Variants in SERPINE2 observed in about 807,000 individuals in gnomAD.
The protein encoded by SERPINE2 is glia-derived nexin.
Under a neutral mutation model 36.3 loss-of-function variants are expected in SERPINE2, and 14 were observed. That is an observed-to-expected ratio of 0.39 (90% CI 0.25 to 0.60). SERPINE2 has a LOEUF of 0.60. Ranked by LOEUF, SERPINE2 falls within the 20% of genes least tolerant of loss-of-function variation. The probability of loss-of-function intolerance (pLI) is 0.57; values close to 1 mark genes in which losing one functional copy is unlikely to be tolerated. For missense variants in SERPINE2, 418 were observed against 499.6 expected (o/e 0.84, Z 1.56); for synonymous variants, 192 against 191.8 (o/e 1.00, Z -0.01).
intron 1 of SERPINE2, among the ~76,000 whole-genome samples, chr2:224,005,346 G>A (rs1461137672): frequency 6.6e-6 from 1 of 151,946 alleles, no homozygotes; most frequent in Non-Finnish European, 1.5e-5. Context: ...TCATAAAAGT[G>A]CACTGGGACA....
At chr2:223,992,892 A>G (rs1342404612) in intron 3 of SERPINE2, among the ~76,000 whole-genome samples, 2 of 152,176 alleles carry the variant, frequency 1.3e-5, no homozygotes, top group African/African-American at 4.8e-5. Context: ...AGGAAGGATC[A>G]CTTGAGGCTA....
intron 1 of SERPINE2, among the ~76,000 whole-genome samples, chr2:224,023,251 A>G (rs780076186): frequency 6.6e-6 from 1 of 152,186 alleles, no homozygotes; most frequent in Non-Finnish European, 1.5e-5. Context: ...ATTGTTAGTC[A>G]GTCTCTCTGA....
chr2:223,992,140 C>T, intron 3 of SERPINE2, 140 bp from the exon 4 acceptor site: 1 of 686,586 alleles, frequency 1.5e-6, no homozygotes, highest in Admixed American at 2.8e-5. Context: ...CTTAAACTAC[C>T]CTTTTGTACT....
At chr2:223,994,989 A>G (rs1010876629) in intron 3 of SERPINE2, among the ~76,000 whole-genome samples, 56 of 152,204 alleles carry the variant, frequency 3.7e-4, no homozygotes, top group African/African-American at 1.3e-3. Flanking sequence ...TGTGCTTTTA[A>G]TGTTCATGCC....
intron 1 of SERPINE2, among the ~76,000 whole-genome samples, chr2:224,017,433 A>G (rs1485596958): frequency 6.6e-6 from 1 of 152,214 alleles, no homozygotes; most frequent in Non-Finnish European, 1.5e-5. Flanking sequence ...TCACACAAAA[A>G]TGTAATATTT....
chr2:224,035,191 G>A (rs534583982), intron 1 of SERPINE2, among the ~76,000 whole-genome samples: 3 of 152,198 alleles, frequency 2.0e-5, no homozygotes, highest in Admixed American at 6.5e-5. Flanking sequence ...CCAGGCTGTC[G>A]ATGATCGTCT....
intron 1 of SERPINE2, chr2:224,030,214 G>A (rs1192699567): frequency 3.0e-6 from 3 of 985,316 alleles, no homozygotes; most frequent in Non-Finnish European, 3.6e-6. Flanking sequence ...AAGCCTGCGG[G>A]CAGGACAGAT....
intron 1 of SERPINE2, among the ~76,000 whole-genome samples, chr2:224,021,731 G>A (rs958366066): frequency 2.0e-5 from 3 of 152,166 alleles, no homozygotes; most frequent in African/African-American, 7.2e-5. Flanking sequence ...AAAAGTATCT[G>A]AATTTAAAGT....
intron 1 of SERPINE2, among the ~76,000 whole-genome samples, chr2:224,021,911 G>A (rs970371210): frequency 6.6e-6 from 1 of 152,208 alleles, no homozygotes; most frequent in East Asian, 1.9e-4. Context: ...TGTAATCCCA[G>A]CACTTTGGGA....
In SERPINE2 at chr2:223,998,104, C is replaced by A. The variant is rs3795879; in HGVS notation, c.487+11G>T. ...AACTATGCAATCAAATGACATACTG[C>A]GGCCACTCACCCCTGGTTTCATTTT... On this transcript the variant is annotated intron_variant, in intron 3 of 8. Transcript: ENST00000409304. The A allele has an allele frequency of 3.1e-6, 5 of 1,597,782 alleles. No individual in the cohort carries two copies. In the South Asian group the frequency reaches 3.3e-5, roughly 11 times the overall value.
At chr2:224,026,221 G>T (rs1413505104) in intron 1 of SERPINE2, among the ~76,000 whole-genome samples, 2 of 152,174 alleles carry the variant, frequency 1.3e-5, no homozygotes, top group African/African-American at 4.8e-5. Context: ...ACATAAACAC[G>T]CCCACTTCGG....
rs774653636 is a variant in SERPINE2, at chr2:223,982,801, G to GGAGAAAAA, written c.885-28_885-21dup. The GGAGAAAAA allele has an allele frequency of 4.4e-6, 7 of 1,574,994 alleles. No individual in the cohort carries two copies. The African/African-American group carries it at 9.6e-5, about 22-fold the overall frequency. ...GTGAACCTAGCATGAAAGCAGAAAT[G>GGAGAAAAA]GAGAAAAAAAATCACGAGGCTATAA... On this transcript the variant is annotated intron_variant, in intron 5 of 8. Coordinates refer to ENST00000409304, the MANE Select transcript of SERPINE2 (RefSeq NM_001136528.2).
chr2:224,025,846 A>C (rs1010524469), intron 1 of SERPINE2, among the ~76,000 whole-genome samples: 1 of 152,254 alleles, frequency 6.6e-6, no homozygotes, highest in African/African-American at 2.4e-5. Context: ...TCCACACAGC[A>C]TATTAGTGAT....
intron 1 of SERPINE2, chr2:224,010,363 A>G (rs1574837669): frequency 1.0e-6 from 1 of 985,406 alleles, no homozygotes; most frequent in Non-Finnish European, 1.2e-6. Flanking sequence ...GCTGAAAAGT[A>G]TGGCAGCAAC....
intron 1 of SERPINE2, chr2:224,030,395 C>T (rs1007225645): frequency 2.0e-5 from 4 of 201,942 alleles, no homozygotes; most frequent in African/African-American, 7.1e-5. Flanking sequence ...AAATATTACC[C>T]AATGCCACAA....
intron 4 of SERPINE2, among the ~76,000 whole-genome samples, chr2:223,988,824 T>C (rs948349845): frequency 1.3e-5 from 2 of 152,220 alleles, no homozygotes; most frequent in African/African-American, 4.8e-5. Flanking sequence ...ATGATACATT[T>C]GTATTATGGA....
chr2:223,985,158 TGC>T, intron 4 of SERPINE2: 1 of 577,018 alleles, frequency 1.7e-6, no homozygotes. Flanking sequence ...CTAGACAGAA[TGC>T]CTTTGGGAAT....
intron 5 of SERPINE2, among the ~76,000 whole-genome samples, chr2:223,983,332 C>T (rs1167977817): frequency 6.6e-6 from 1 of 152,182 alleles, no homozygotes; most frequent in Non-Finnish European, 1.5e-5. Flanking sequence ...TGGCTCACTG[C>T]AACCTCTGCC....
chr2:224,000,447 A>T (rs1691069977), intron 2 of SERPINE2, among the ~76,000 whole-genome samples: 1 of 152,152 alleles, frequency 6.6e-6, no homozygotes, highest in Admixed American at 6.5e-5. Context: ...CTTTAACTCA[A>T]ACTAAATCTT....
Sources: allele counts gnomAD v4.1 joint callset (sites outside exome capture counted in the v4.1 genomes callset), GRCh38; gene constraint gnomAD v4.1.1; transcripts MANE v1.5; gene names NCBI Gene and HGNC (gene_info 2026-07-23, HGNC 2026-07-21).